RBM7: variants seen among roughly 807,000 people sequenced by gnomAD.
RBM7 encodes RNA binding motif protein 7, also known as RNA-binding protein 7.
A neutral mutation model predicts 31.0 loss-of-function variants in RBM7; 13 were observed. The observed-to-expected ratio is 0.42, with a 90% CI of 0.27 to 0.67. The LOEUF is 0.67. Ranked by LOEUF, RBM7 falls within the 30% of genes least tolerant of loss-of-function variation. The pLI, the probability that RBM7 is intolerant of heterozygous loss-of-function variation, is 0.24. For missense variants in RBM7, 245 were observed against 326.2 expected (o/e 0.75, Z 1.92); for synonymous variants, 106 against 111.2 (o/e 0.95, Z 0.30).
intron 4 of RBM7, 102 bp downstream of exon 4, chr11:114,405,901 G>C: frequency 1.2e-6 from 1 of 844,564 alleles, no homozygotes; most frequent in Non-Finnish European, 1.8e-6. Context: ...ACTTTGTTAA[G>C]TTGGAGGTTT....
chr11:114,407,625 T>C lies in RBM7; in HGVS notation c.622T>C (p.Tyr208His). ...QRKVRMNSYP[Y>H]LADRHYSREQ... ...TAAAGTCAGAATGAATTCTTATCCCTACCTAGCAGATAGACATTATAGCCG... is the reference window on the plus strand; with the variant it reads ...TAAAGTCAGAATGAATTCTTATCCCCACCTAGCAGATAGACATTATAGCCG... Residue 208 changes from tyrosine to histidine, a missense_variant, in exon 5 of 5, where the codon TAC becomes CAC. Transcript: ENST00000375490. 6.2e-7 allele frequency: 1 copy of C among 1,614,084 alleles called. No individual in the cohort carries two copies. The highest frequency in any genetic ancestry group is 8.5e-7 in the Non-Finnish European group (1 of 1,179,952).
rs1946186546 is a variant in RBM7 at position 114,400,724 on chromosome 11, AAACG to A, written c.56_59del (p.Thr19LysfsTer2). The A allele has an allele frequency of 6.2e-7, 1 of 1,614,062 alleles. No homozygotes were observed. Among genetic ancestry groups the A allele is most frequent in the Non-Finnish European group, 8.5e-7 (1 of 1,180,038 alleles). ...CGCACTCTCTTTGTGGGCAACCTTG[AAACG>A]AAAGTGACCGAGGAGCTCCTTTTCG... On this transcript the variant is annotated frameshift_variant, in exon 1 of 5. Coordinates refer to ENST00000375490, the MANE Select transcript of RBM7 (RefSeq NM_001286045.2). LOFTEE classifies it high-confidence loss of function.
Position 114,408,816 on chromosome 11 carries a change from A to G in RBM7, c.*1009A>G, listed in dbSNP as rs915725734. ...GATACTGTTTTCATTTCATTACAGA[A>G]TTGTTTATAAAAGTTCATTTGTTGA... On this transcript the variant is annotated 3_prime_UTR_variant, in exon 5 of 5. Transcript: ENST00000375490. 1.3e-4 allele frequency: 20 copies of G among 152,186 alleles called. No individual in the cohort carries two copies. The highest frequency in any genetic ancestry group is 4.6e-4 in the African/African-American group (19 of 41,456). 9.4% of individuals were successfully genotyped at this position (152,186 alleles called of 1,614,324 possible).
intron 3 of RBM7, among the ~76,000 whole-genome samples, chr11:114,403,904 G>A: frequency 6.6e-6 from 1 of 152,128 alleles, no homozygotes; most frequent in East Asian, 1.9e-4. Context: ...TTCAATTACT[G>A]TAATAAGTTC....
intron 4 of RBM7, chr11:114,407,023 C>A: frequency 6.3e-6 from 1 of 157,898 alleles, no homozygotes; most frequent in Non-Finnish European, 1.4e-5. Flanking sequence ...ATTCTATGAA[C>A]CTGTTCTGTG....
intron 2 of RBM7, chr11:114,402,236 A>G (rs1313839810): frequency 5.4e-6 from 1 of 185,088 alleles, no homozygotes; most frequent in African/African-American, 2.4e-5. Flanking sequence ...CTGTCCATGT[A>G]TCCAGTGTTA....
At chr11:114,403,614 T>G (rs1351619533) in intron 3 of RBM7, among the ~76,000 whole-genome samples, 1 of 152,230 alleles carries the variant, frequency 6.6e-6, no homozygotes, top group Non-Finnish European at 1.5e-5. Flanking sequence ...TAAGAAAGAT[T>G]TAATAAATAC....
chr11:114,407,913 G>A lies in RBM7; in HGVS notation c.*106G>A. 1 of 1,290,350 alleles carries A rather than the reference G, an allele frequency of 7.7e-7. No individual in the cohort carries two copies. The allele number at this position is 1,290,350 out of a possible 1,614,324, so 79.9% of individuals were successfully genotyped here. On this transcript the variant is annotated 3_prime_UTR_variant, in exon 5 of 5. Transcript: ENST00000375490. ...ACTGTACAGAGCAGCTTTACAAGTT[G>A]TCACATTTCTTTATAAATTTTTTTA... is the stretch of plus-strand genomic sequence containing the variant.
chr11:114,401,133 G>A (rs150387845), intron 1 of RBM7, among the ~76,000 whole-genome samples: 30 of 152,214 alleles, frequency 2.0e-4, no homozygotes, highest in African/African-American at 7.2e-4. Flanking sequence ...TATCTGACTG[G>A]GAACTTAATA....
chr11:114,403,088 G>A lies in RBM7; in HGVS notation c.347+173G>A, dbSNP rs146139639. ...ATCTATTCTAAGGGGTATAGAATGTGTCTATTCTATAGACAAACACATTGT... is the reference window on the plus strand; with the variant it reads ...ATCTATTCTAAGGGGTATAGAATGTATCTATTCTATAGACAAACACATTGT... On this transcript the variant is annotated intron_variant, in intron 3 of 4. Coordinates refer to ENST00000375490, the MANE Select transcript of RBM7 (RefSeq NM_001286045.2). Among the ~76,000 whole-genome samples the A allele has an allele frequency of 2.7e-3, 405 of 152,170 alleles. 7 individuals are homozygous for A. Among genetic ancestry groups the A allele is most frequent in the East Asian group, 9.7e-4 (5 of 5,160 alleles).
chr11:114,405,931 G>A, intron 4 of RBM7, 132 bp downstream of exon 4: 1 of 588,900 alleles, frequency 1.7e-6, no homozygotes, highest in Non-Finnish European at 2.8e-6. Flanking sequence ...AGTCCTCAAG[G>A]CGTAAGTGAA....
At position 114,408,979 on chromosome 11, in the gene RBM7, A is replaced by T. The variant is rs1035396445; in HGVS notation, c.*1172A>T. 2.0e-5 allele frequency: 3 copies of T among 152,084 alleles called. No homozygotes were observed. The highest frequency in any genetic ancestry group is 7.3e-5 in the African/African-American group (3 of 41,354). The allele number at this position is 152,084 out of a possible 1,614,324, so 9.4% of individuals were successfully genotyped here. On this transcript the variant is annotated 3_prime_UTR_variant, in exon 5 of 5. Transcript: ENST00000375490. ...GAGACATTGTACACAAAGAATTAAC[A>T]TACTTTTATTCACTGATTGCCTGCT... is the stretch of plus-strand genomic sequence containing the variant.
chr11:114,407,611 T>G lies in RBM7; in HGVS notation c.608T>G (p.Met203Arg). The G allele has an allele frequency of 6.2e-7, 1 of 1,614,134 alleles. No individual in the cohort carries two copies. The highest frequency in any genetic ancestry group is 8.5e-7 in the Non-Finnish European group (1 of 1,179,998). The change falls in exon 5 of 5, where the codon ATG becomes AGG. Residue 203 changes from methionine (M) to arginine (R), a missense_variant. Coordinates refer to ENST00000375490, the MANE Select transcript of RBM7 (RefSeq NM_001286045.2). Reference protein sequence around the residue: ...GTPSSQRKVRMNSYPYLADRH... With the variant: ...GTPSSQRKVRRNSYPYLADRH... ...CCATCATCACAGCGTAAAGTCAGAA[T>G]GAATTCTTATCCCTACCTAGCAGAT... is the stretch of plus-strand genomic sequence containing the variant.
Position 114,407,721 on chromosome 11 carries a change from G to A in RBM7, c.718G>A (p.Asp240Asn), listed in dbSNP as rs777999213. 153 of 1,613,872 alleles carry A rather than the reference G, an allele frequency of 9.5e-5. No homozygotes were observed. Among genetic ancestry groups the A allele is most frequent in the Middle Eastern group, 1.6e-4 (1 of 6,084 alleles). Residue 240 changes from aspartate (D) to asparagine (N), a missense_variant, in exon 5 of 5, where the codon GAC becomes AAC. Physicochemically the swap from Asp to Asn is conservative, Grantham distance 23. Coordinates refer to ENST00000375490, the MANE Select transcript of RBM7 (RefSeq NM_001286045.2). Reference sequence around the variant, plus strand: ...AAAGAGAGATGATTTCTTCTATGAAGACAGGAATCATGATGACTGGAGCCA... The same window carrying A: ...AAAGAGAGATGATTTCTTCTATGAAAACAGGAATCATGATGACTGGAGCCA... ...RGKRDDFFYE[D>N]RNHDDWSHDY...
chr11:114,407,895 A>C lies in RBM7; in HGVS notation c.*88A>C, dbSNP rs1591200866. The stretch of plus-strand genomic sequence containing the variant: ...GAAATATTTTGTTGAAAAACTGTAC[A>C]GAGCAGCTTTACAAGTTGTCACATT... On this transcript the variant is annotated 3_prime_UTR_variant, in exon 5 of 5. Coordinates refer to ENST00000375490, the MANE Select transcript of RBM7 (RefSeq NM_001286045.2). 8.6e-6 allele frequency: 12 copies of C among 1,395,430 alleles called. No individual in the cohort carries two copies. In the East Asian group the frequency reaches 2.3e-4, roughly 27 times the overall value. 86.4% of individuals were successfully genotyped at this position (1,395,430 alleles called of 1,614,324 possible). A position where few individuals can be genotyped will look rare whatever the true frequency, so the allele number is the denominator to read the frequency against.
intron 4 of RBM7, chr11:114,406,003 C>T (rs1171668799): frequency 2.1e-5 from 10 of 477,138 alleles, no homozygotes; most frequent in Non-Finnish European, 3.3e-5. Flanking sequence ...ATTGAGCACT[C>T]ATTTTAGTTT....
chr11:114,403,107 A>G (rs1172568318), intron 3 of RBM7, among the ~76,000 whole-genome samples, 192 bp downstream of exon 3: 1 of 152,196 alleles, frequency 6.6e-6, no homozygotes, highest in Non-Finnish European at 1.5e-5. Context: ...ATAGACAAAC[A>G]CATTGTATAT....
intron 2 of RBM7, 75 bp downstream of exon 2, chr11:114,401,935 C>T (rs1340286861): frequency 1.4e-6 from 2 of 1,415,722 alleles, no homozygotes; most frequent in East Asian, 2.6e-5. Flanking sequence ...TAAAGAACCT[C>T]TTATTTGTAG....
rs775073138 is a variant in RBM7 at position 114,400,737 on chromosome 11, C to T, written c.66C>T (p.Thr22=). Reference sequence around the variant, plus strand: ...TGGGCAACCTTGAAACGAAAGTGACCGAGGAGCTCCTTTTCGAGCTTTTCC... The same window carrying T: ...TGGGCAACCTTGAAACGAAAGTGACTGAGGAGCTCCTTTTCGAGCTTTTCC... The part of the protein sequence containing the change: ...LFVGNLETKV[T]EELLFELFHQ... Residue 22 remains threonine (T), a synonymous_variant, in exon 1 of 5, where the codon ACC becomes ACT. Coordinates refer to ENST00000375490, the MANE Select transcript of RBM7 (RefSeq NM_001286045.2). 2 of 1,614,192 alleles carry T rather than the reference C, an allele frequency of 1.2e-6. No individual in the cohort carries two copies. Among genetic ancestry groups the T allele is most frequent in the African/African-American group, 2.7e-5 (2 of 75,046 alleles).
Sources: gnomAD v4.1 joint callset for allele counts (sites outside exome capture counted in the v4.1 genomes callset) on GRCh38, gnomAD v4.1.1 for gene constraint, MANE v1.5 for transcripts, NCBI Gene and HGNC (gene_info 2026-07-23, HGNC 2026-07-21) for gene names.